Variants in SPNS2 observed in about 807,000 individuals in gnomAD.
SPNS2 encodes SPNS lysolipid transporter 2, sphingosine-1-phosphate.
A neutral mutation model predicts 57.6 loss-of-function variants in SPNS2; 37 were observed. The observed-to-expected ratio is 0.64, with a 90% CI of 0.49 to 0.85. SPNS2 has a LOEUF of 0.85. Among genes scored for constraint, SPNS2 ranks in the 40% least tolerant of loss-of-function variants. The pLI is 0.00. For synonymous variants in SPNS2, 440 were observed against 346.9 expected, an observed-to-expected ratio of 1.27 and a Z score of -2.98; for missense variants, 831 against 779.1, an observed-to-expected ratio of 1.07 and a Z score of -0.79.
At chr17:4,532,263 TCAC>T in intron 5 of SPNS2, among the ~76,000 whole-genome samples, 1 of 152,110 alleles carries the variant, frequency 6.6e-6, no homozygotes, top group Non-Finnish European at 1.5e-5. Flanking sequence ...ACTGCTCCAC[TCAC>T]CCACCCCTCC....
In SPNS2 at chr17:4,525,203, G is replaced by C. The variant is rs760273671; in HGVS notation, c.573+10G>C. On this transcript the variant is annotated intron_variant, in intron 3 of 12. Coordinates refer to ENST00000329078, the MANE Select transcript of SPNS2 (RefSeq NM_001124758.3). ...CTTCATTCCCCAGCAGGTGAGGCCC[G>C]GCTCGGCTTCTCCCCGACCCCTGTG... The C allele has an allele frequency of 6.2e-7, 1 of 1,613,498 alleles. No individual in the cohort carries two copies. The highest frequency in any genetic ancestry group is 1.6e-4 in the Middle Eastern group (1 of 6,062).
intron 1 of SPNS2, among the ~76,000 whole-genome samples, chr17:4,500,205 G>T (rs1159644112): frequency 6.6e-6 from 1 of 152,218 alleles, no homozygotes. Context: ...GATTGGGATC[G>T]ATAGAACAAC....
At chr17:4,518,854 TC>T in intron 2 of SPNS2, among the ~76,000 whole-genome samples, 1 of 152,236 alleles carries the variant, frequency 6.6e-6, no homozygotes, top group Non-Finnish European at 1.5e-5. Context: ...CTGCGGCTGT[TC>T]CCCAAAGCCC....
At chr17:4,532,822 G>T in intron 6 of SPNS2, 138 bp downstream of exon 6, 8 of 1,449,782 alleles carry the variant, frequency 5.5e-6, no homozygotes, top group Non-Finnish European at 7.4e-6. Context: ...GGGACATTTT[G>T]GCCCCAGAAT....
In SPNS2 at chr17:4,533,066, G is replaced by A. The variant is rs1227961858; in HGVS notation, c.1025G>A (p.Arg342His). The A allele has an allele frequency of 6.2e-6, 10 of 1,613,180 alleles. No individual in the cohort carries two copies. The highest frequency in any genetic ancestry group is 1.1e-5 in the South Asian group (1 of 91,074). Residue 342 changes from arginine to histidine, a missense_variant, in exon 7 of 13, where the codon CGC becomes CAC. By Grantham distance (29) the Arg-to-His change is conservative. Around this residue, in one of 2 missense-constraint regions of SPNS2, gnomAD observed 526 missense variants for 400.9 expected, o/e 1.31. Coordinates refer to ENST00000329078, the MANE Select transcript of SPNS2 (RefSeq NM_001124758.3). ...ATGTGGATCCCGCTCTACCTGCACCGCGCCCAAGTTGTGCAGAAGACAGCA... is the reference window on the plus strand; with the variant it reads ...ATGTGGATCCCGCTCTACCTGCACCACGCCCAAGTTGTGCAGAAGACAGCA... ...LGMWIPLYLHRAQVVQKTAET... is the reference protein window; with the variant it reads ...LGMWIPLYLHHAQVVQKTAET...
intron 3 of SPNS2, among the ~76,000 whole-genome samples, chr17:4,528,924 C>T (rs776663365): frequency 4.0e-5 from 6 of 151,328 alleles, no homozygotes; most frequent in East Asian, 2.0e-4. Context: ...ATCATGATCC[C>T]GCTAATTTTT....
rs1904372121 is a variant in SPNS2, at chr17:4,499,136, C to G, written c.89C>G (p.Ala30Gly). ...DAERRRRRRG[A>G]QRGAGGSGCC... ...GAGCGGCGGCGCCGGCGCCGGGGGG[C>G]GCAGCGAGGGGCTGGCGGTAGCGGT... The change falls in exon 1 of 13, where the codon GCG becomes GGG. Residue 30 changes from alanine to glycine, a missense_variant. Ala to Gly is a moderately conservative substitution (Grantham distance 60). Coordinates refer to ENST00000329078, the MANE Select transcript of SPNS2 (RefSeq NM_001124758.3). The surrounding 1 kb of genome is among the most constrained non-coding windows in gnomAD (Gnocchi z 5.2). 46 of 1,161,992 alleles carry G rather than the reference C, an allele frequency of 4.0e-5. No individual in the cohort carries two copies. The highest frequency in any genetic ancestry group is 4.7e-5 in the Non-Finnish European group (44 of 942,880). The allele number at this position is 1,161,992 out of a possible 1,614,324, so 72.0% of individuals were successfully genotyped here. A position where few individuals can be genotyped will look rare whatever the true frequency, so the allele number is the denominator to read the frequency against.
chr17:4,508,134 G>T (rs1904729499), intron 1 of SPNS2, among the ~76,000 whole-genome samples: 1 of 152,202 alleles, frequency 6.6e-6, no homozygotes, highest in South Asian at 2.1e-4. Context: ...TTCACCAAGA[G>T]CCTCAGAGGA....
rs761613174 is a variant in SPNS2, at chr17:4,535,991, GC to G, written c.1345-84del. The G allele has an allele frequency of 2.2e-4, 251 of 1,127,760 alleles. No homozygotes were observed. The Middle Eastern group carries it at 2.3e-3, about 10-fold the overall frequency. The allele number at this position is 1,127,760 out of a possible 1,614,324, so 69.9% of individuals were successfully genotyped here. A position where few individuals can be genotyped will look rare whatever the true frequency, so the allele number is the denominator to read the frequency against. ...CAGGAGTGAGTCTGAGGGTGTGGGGGCTTCAGAAGTGCCACGGCCCGGGGCC... is the reference window on the plus strand; with the variant it reads ...CAGGAGTGAGTCTGAGGGTGTGGGGGTTCAGAAGTGCCACGGCCCGGGGCC... On this transcript the variant is annotated intron_variant, in intron 9 of 12. Coordinates refer to ENST00000329078, the MANE Select transcript of SPNS2 (RefSeq NM_001124758.3).
chr17:4,512,526 T>G lies in SPNS2; in HGVS notation c.371-721T>G, dbSNP rs746121676. Among the ~76,000 whole-genome samples the G allele has an allele frequency of 3.6e-4, 54 of 151,990 alleles. No homozygotes were observed. The highest frequency in any genetic ancestry group is 6.8e-4 in the Non-Finnish European group (46 of 67,978). On this transcript the variant is annotated intron_variant, in intron 1 of 12. Coordinates refer to ENST00000329078, the MANE Select transcript of SPNS2 (RefSeq NM_001124758.3). This position sits in a 1 kb window ranked among gnomAD's most constrained non-coding sequence, Gnocchi z 5.2. The stretch of plus-strand genomic sequence containing the variant: ...GGTGTGGCCTCAAGAAATCCACTTC[T>G]CCCAAGAAAACGGGCCTGGAGCCCC...
At chr17:4,500,443 G>C (rs771103749) in intron 1 of SPNS2, among the ~76,000 whole-genome samples, 2 of 152,154 alleles carry the variant, frequency 1.3e-5, no homozygotes, top group Admixed American at 6.5e-5. Context: ...GTTGGGAATG[G>C]TGGAGCTTTG....
Position 4,538,456 on chromosome 17 carries a change from C to T in SPNS2, c.*1008C>T. The T allele has an allele frequency of 5.9e-6, 1 of 170,416 alleles. No homozygotes were observed. Among genetic ancestry groups the T allele is most frequent in the Non-Finnish European group, 1.1e-5 (1 of 89,758 alleles). The allele number at this position is 170,416 out of a possible 1,614,324, so 10.6% of individuals were successfully genotyped here. A position where few individuals can be genotyped will look rare whatever the true frequency, so the allele number is the denominator to read the frequency against. On this transcript the variant is annotated 3_prime_UTR_variant, in exon 13 of 13. Coordinates refer to ENST00000329078, the MANE Select transcript of SPNS2 (RefSeq NM_001124758.3). ...ACCCAAACACTGGCTGCTGGCATTC[C>T]ACCAAGTGACCCCAGGGGGGGGCCA...
chr17:4,523,708 C>G (rs1054931948), intron 2 of SPNS2, among the ~76,000 whole-genome samples: 2 of 152,226 alleles, frequency 1.3e-5, no homozygotes, highest in African/African-American at 4.8e-5. Flanking sequence ...CACCATTGCA[C>G]TCTAGCATGG....
intron 9 of SPNS2, among the ~76,000 whole-genome samples, chr17:4,534,211 C>G (rs1454040283): frequency 6.6e-6 from 1 of 152,194 alleles, no homozygotes; most frequent in Non-Finnish European, 1.5e-5. Context: ...TCTGCCCTCT[C>G]TACTCAGCCT....
chr17:4,498,893 G>A lies in SPNS2; in HGVS notation c.-155G>A. 3.9e-6 allele frequency: 1 copy of A among 257,746 alleles called. No homozygotes were observed. The highest frequency in any genetic ancestry group is 1.5e-4 in the South Asian group (1 of 6,860). 16.0% of individuals were successfully genotyped at this position (257,746 alleles called of 1,614,324 possible). On this transcript the variant is annotated 5_prime_UTR_variant, in exon 1 of 13. Transcript: ENST00000329078. ...CGGCGAACGAGGCGCAGCGAGCTGAGCGGTGGCAGCGCCGCAGCCGGGGCC... is the reference window on the plus strand; with the variant it reads ...CGGCGAACGAGGCGCAGCGAGCTGAACGGTGGCAGCGCCGCAGCCGGGGCC...
chr17:4,529,001 A>G (rs147626715), intron 3 of SPNS2, among the ~76,000 whole-genome samples: 129 of 151,766 alleles, frequency 8.5e-4, no homozygotes, highest in South Asian at 2.1e-3. Flanking sequence ...CAGTGGCGCA[A>G]TCTTGGCTCA....
intron 1 of SPNS2, among the ~76,000 whole-genome samples, chr17:4,503,451 G>C (rs773561957): frequency 6.6e-6 from 1 of 152,202 alleles, no homozygotes. Flanking sequence ...TCAGACGGGG[G>C]TCTCACGCCC....
intron 9 of SPNS2, among the ~76,000 whole-genome samples, chr17:4,535,114 C>T (rs115533758): frequency 0.016 from 2,399 of 152,234 alleles, 64 homozygotes; most frequent in African/African-American, 0.054. Context: ...AGCTGGAGCT[C>T]GGGGAACAGG....
rs976924336 is a variant in SPNS2 at position 4,538,691 on chromosome 17, A to G, written c.*1243A>G. 1 of 583,602 alleles carries G rather than the reference A, an allele frequency of 1.7e-6. No homozygotes were observed. Among genetic ancestry groups the G allele is most frequent in the African/African-American group, 1.9e-5 (1 of 53,064 alleles). 36.2% of individuals were successfully genotyped at this position (583,602 alleles called of 1,614,324 possible). A position where few individuals can be genotyped will look rare whatever the true frequency, so the allele number is the denominator to read the frequency against. Reference sequence around the variant, plus strand: ...GACCCCCCAAGAGCCAGCTTGGACAATGCTCTTCTTGCCCCTTAGTTACTG... The same window carrying G: ...GACCCCCCAAGAGCCAGCTTGGACAGTGCTCTTCTTGCCCCTTAGTTACTG... On this transcript the variant is annotated 3_prime_UTR_variant, in exon 13 of 13. Transcript: ENST00000329078.
Sources: gnomAD v4.1 joint callset for allele counts (sites outside exome capture counted in the v4.1 genomes callset) on GRCh38, gnomAD v4.1.1 for gene constraint, gnomAD v4.1.1 regional missense constraint, Gnocchi (gnomAD v3.1) non-coding constraint, MANE v1.5 for transcripts, NCBI Gene and HGNC (gene_info 2026-07-23, HGNC 2026-07-21) for gene names.